Variants in MAP6 observed in about 807,000 individuals in gnomAD.
The protein encoded by MAP6 is microtubule-associated protein 6.
A neutral mutation model predicts 42.4 loss-of-function variants in MAP6; 26 were observed. The observed-to-expected ratio is 0.61, with a 90% CI of 0.45 to 0.85. The LOEUF is 0.85. Among genes scored for constraint, MAP6 ranks in the 40% least tolerant of loss-of-function variants. The pLI is 0.00. For missense variants in MAP6, 966 were observed against 1,099.0 expected (o/e 0.88, Z 1.71); for synonymous variants, 418 against 443.8 (o/e 0.94, Z 0.73).
intron 1 of MAP6, among the ~76,000 whole-genome samples, chr11:75,611,134 T>C (rs1590767494): frequency 6.6e-6 from 1 of 152,194 alleles, no homozygotes; most frequent in South Asian, 2.1e-4. Flanking sequence ...CTACAGTCCC[T>C]CCCTCCTTCC....
Position 75,587,139 on chromosome 11 carries a change from G to T in MAP6, c.2362C>A (p.Gln788Lys). The T allele has an allele frequency of 6.2e-7, 1 of 1,613,836 alleles. No homozygotes were observed. Among genetic ancestry groups the T allele is most frequent in the Non-Finnish European group, 8.5e-7 (1 of 1,179,764 alleles). The change falls in exon 4 of 4, where the codon CAG (glutamine) becomes AAG (lysine). Residue 788 changes from glutamine (Q) to lysine (K), a missense_variant. Coordinates refer to ENST00000304771, the MANE Select transcript of MAP6 (RefSeq NM_033063.2). ...PLKTQGPRDP[Q>K]LPTVSPLPRV... The stretch of plus-strand genomic sequence containing the variant: ...GGTAGAGGTGAGACAGTAGGTAGCT[G>T]AGGGTCCCTGGGACCTTGAGTCTTC...
rs545137728 is a variant in MAP6, at chr11:75,642,526, T to C, written c.905+24939A>G. The C allele has an allele frequency of 1.4e-3, 224 of 155,092 alleles. 2 individuals are homozygous for C. Among genetic ancestry groups the C allele is most frequent in the Non-Finnish European group, 2.5e-3 (173 of 69,548 alleles). The allele number at this position is 155,092 out of a possible 1,614,324, so 9.6% of individuals were successfully genotyped here. On this transcript the variant is annotated intron_variant, in intron 1 of 3. Transcript: ENST00000304771. ...ACAACTTCATTGTTTCTCTCTTACC[T>C]TCTCCTTAATACAAACAAAAATATC...
At chr11:75,617,514 CA>C (rs61477947) in intron 1 of MAP6, among the ~76,000 whole-genome samples, 344 of 28,154 alleles carry the variant, frequency 0.012, no homozygotes, top group Middle Eastern at 0.053. Flanking sequence ...AGACTGTCTC[CA>C]AAAAAAAAAA....
intron 1 of MAP6, among the ~76,000 whole-genome samples, chr11:75,613,559 A>G (rs980598530): frequency 6.6e-6 from 1 of 152,112 alleles, no homozygotes; most frequent in Non-Finnish European, 1.5e-5. Context: ...TCACAGGGAC[A>G]GGGTGCTCTC....
At chr11:75,603,403 T>C (rs1416234313) in intron 3 of MAP6, 3 of 985,672 alleles carry the variant, frequency 3.0e-6, no homozygotes, top group African/African-American at 1.7e-5. Flanking sequence ...TGAGTTTTAT[T>C]TGTAAACAGT....
intron 1 of MAP6, among the ~76,000 whole-genome samples, chr11:75,666,594 G>A (rs1198206465): frequency 6.6e-6 from 1 of 152,178 alleles, no homozygotes; most frequent in Non-Finnish European, 1.5e-5. Context: ...GGTAGGAATG[G>A]AACCAAGATG....
intron 1 of MAP6, among the ~76,000 whole-genome samples, chr11:75,648,436 A>G (rs1483757401): frequency 6.6e-6 from 1 of 152,130 alleles, no homozygotes; most frequent in Non-Finnish European, 1.5e-5. Context: ...AGGTCGAAAC[A>G]CAAATGAGCT....
intron 1 of MAP6, among the ~76,000 whole-genome samples, chr11:75,636,737 A>G (rs1037086088): frequency 1.3e-5 from 2 of 152,132 alleles, no homozygotes; most frequent in African/African-American, 4.8e-5. Context: ...GAGCCCACCA[A>G]AACTATTCAA....
At chr11:75,630,841 T>C (rs1565269152) in intron 1 of MAP6, among the ~76,000 whole-genome samples, 1 of 152,252 alleles carries the variant, frequency 6.6e-6, no homozygotes, top group Non-Finnish European at 1.5e-5. Context: ...CAAGGACTTA[T>C]TACCTTTTAA....
intron 3 of MAP6, among the ~76,000 whole-genome samples, chr11:75,598,497 A>T (rs1480761639): frequency 6.6e-6 from 1 of 152,250 alleles, no homozygotes; most frequent in Non-Finnish European, 1.5e-5. Context: ...GTACAGAGGT[A>T]TGCAGGCCTG....
chr11:75,589,642 C>G (rs1480411324), intron 3 of MAP6, among the ~76,000 whole-genome samples: 1 of 152,200 alleles, frequency 6.6e-6, no homozygotes, highest in African/African-American at 2.4e-5. Context: ...GGATCCTGTG[C>G]TCTTTCCCTT....
At chr11:75,600,607 C>T (rs1942649515) in intron 3 of MAP6, among the ~76,000 whole-genome samples, 2 of 152,170 alleles carry the variant, frequency 1.3e-5, no homozygotes. Flanking sequence ...TTTCCTAACC[C>T]TGCTGGTCTC....
intron 1 of MAP6, among the ~76,000 whole-genome samples, chr11:75,660,252 A>G (rs1374075139): frequency 1.3e-5 from 2 of 152,114 alleles, no homozygotes; most frequent in Non-Finnish European, 1.5e-5. Context: ...GCCTCTTCCT[A>G]TGACTTTCAC....
At chr11:75,605,489 G>A in intron 3 of MAP6, 1 of 1,132,252 alleles carries the variant, frequency 8.8e-7, no homozygotes, top group Non-Finnish European at 1.1e-6. Context: ...GCACTGCCGG[G>A]AGATTCGTTT....
chr11:75,615,593 T>C (rs907216187), intron 1 of MAP6, among the ~76,000 whole-genome samples: 5 of 152,144 alleles, frequency 3.3e-5, no homozygotes, highest in African/African-American at 1.2e-4. Flanking sequence ...ACACAGATAA[T>C]CAAATATCTG....
At chr11:75,651,507 C>T (rs1312384118) in intron 1 of MAP6, among the ~76,000 whole-genome samples, 4 of 152,052 alleles carry the variant, frequency 2.6e-5, no homozygotes, top group African/African-American at 7.3e-5. Context: ...CCTTTTAATA[C>T]CATTTATCCC....
chr11:75,619,123 G>A (rs1302737924), intron 1 of MAP6, among the ~76,000 whole-genome samples: 1 of 152,112 alleles, frequency 6.6e-6, no homozygotes, highest in African/African-American at 2.4e-5. Context: ...TGTGTGCAAG[G>A]AGTATGTGTG....
intron 1 of MAP6, among the ~76,000 whole-genome samples, chr11:75,629,662 G>A (rs901722539): frequency 9.8e-5 from 15 of 152,288 alleles, no homozygotes; most frequent in Admixed American, 7.8e-4. Flanking sequence ...TCACTTGCTT[G>A]TTTGTCAAAG....
chr11:75,668,254 T>C lies in MAP6; in HGVS notation c.116A>G (p.His39Arg). The change falls in exon 1 of 4, where the codon CAC (histidine) becomes CGC (arginine). Residue 39 changes from histidine (H) to arginine (R), a missense_variant. This residue lies in a region of MAP6 where 943 missense variants were observed against 1,049.9 expected (regional missense o/e 0.90). Coordinates refer to ENST00000304771, the MANE Select transcript of MAP6 (RefSeq NM_033063.2). ...VFTKYSEATE[H>R]PGAPPQPPPP... is the part of the protein sequence containing the mutation. ...CGGTGGCTGCGGCGGGGCGCCCGGG[T>C]GCTCGGTGGCCTCCGAGTACTTGGT... 2 of 1,458,354 alleles carry C rather than the reference T, an allele frequency of 1.4e-6. No individual in the cohort carries two copies. Among genetic ancestry groups the C allele is most frequent in the Non-Finnish European group, 1.8e-6 (2 of 1,106,792 alleles). The allele number at this position is 1,458,354 out of a possible 1,614,324, so 90.3% of individuals were successfully genotyped here.
Sources: gnomAD v4.1 joint callset for allele counts (sites outside exome capture counted in the v4.1 genomes callset) on GRCh38, gnomAD v4.1.1 for gene constraint, gnomAD v4.1.1 regional missense constraint, MANE v1.5 for transcripts, NCBI Gene and HGNC (gene_info 2026-07-23, HGNC 2026-07-21) for gene names.